Variants in LAMA2 observed in about 807,000 individuals in gnomAD.
The protein encoded by LAMA2 is laminin subunit alpha 2.
In LAMA2, 269 loss-of-function variants were observed where a neutral mutation model predicts 364.8. The ratio of observed to expected loss-of-function variants is 0.74; its 90% CI spans 0.67 to 0.82. LAMA2 has a LOEUF of 0.82. LAMA2 is among the 40% of genes least tolerant of loss of function. The probability of loss-of-function intolerance (pLI) is 0.00; values close to 1 mark genes in which losing one functional copy is unlikely to be tolerated. For synonymous variants in LAMA2, 1,379 were observed against 1,370.6 expected (o/e 1.01, Z -0.14); for missense variants, 3,807 against 3,873.2 (o/e 0.98, Z 0.45).
intron 35 of LAMA2, among the ~76,000 whole-genome samples, chr6:129,388,616 C>G (rs1350316941): frequency 6.6e-6 from 1 of 151,974 alleles, no homozygotes. Context: ...ACTGCCTAGG[C>G]CCAGAATCTA....
chr6:128,928,605 A>G (rs1428176913), intron 1 of LAMA2, among the ~76,000 whole-genome samples: 4 of 152,192 alleles, frequency 2.6e-5, no homozygotes. Context: ...TAGAATTCCT[A>G]TTGGGGCTGT....
At chr6:129,312,821 A>T in intron 22 of LAMA2, 40 bp from the exon 23 acceptor site, 1 of 1,338,558 alleles carries the variant, frequency 7.5e-7, no homozygotes, top group South Asian at 1.2e-5. Flanking sequence ...TATTTCCCAT[A>T]AAGTTGTGTT....
intron 10 of LAMA2, among the ~76,000 whole-genome samples, chr6:129,188,001 A>G (rs1235542423): frequency 5.3e-5 from 8 of 151,896 alleles, no homozygotes; most frequent in Admixed American, 5.3e-4. Context: ...TTTTTAAACC[A>G]TGCTTCAAGG....
intron 1 of LAMA2, among the ~76,000 whole-genome samples, chr6:129,014,348 T>C (rs1784951449): frequency 6.6e-6 from 1 of 152,214 alleles, no homozygotes; most frequent in Non-Finnish European, 1.5e-5. Flanking sequence ...CCCCTCTGCG[T>C]TTATACCATT....
intron 1 of LAMA2, among the ~76,000 whole-genome samples, chr6:128,884,354 T>C (rs1011608831): frequency 6.6e-6 from 1 of 152,118 alleles, no homozygotes; most frequent in African/African-American, 2.4e-5. Flanking sequence ...GTTTTAAATA[T>C]GAAAATGTTT....
intron 5 of LAMA2, among the ~76,000 whole-genome samples, chr6:129,146,394 T>C (rs149517021): frequency 5.9e-5 from 9 of 152,138 alleles, no homozygotes; most frequent in Admixed American, 1.3e-4. Flanking sequence ...GTATGGACTA[T>C]ATTACATAGT....
chr6:129,056,265 G>A (rs1239416139), intron 2 of LAMA2, among the ~76,000 whole-genome samples: 1 of 152,146 alleles, frequency 6.6e-6, no homozygotes, highest in Non-Finnish European at 1.5e-5. Context: ...GCCAATTTCA[G>A]CACCCTCTTA....
intron 2 of LAMA2, among the ~76,000 whole-genome samples, chr6:129,057,782 G>A (rs891521629): frequency 6.6e-6 from 1 of 152,172 alleles, no homozygotes; most frequent in African/African-American, 2.4e-5. Flanking sequence ...TACATGGCTA[G>A]ATTGCAATAT....
At chr6:129,287,033 AGG>A (rs1789299472) in intron 18 of LAMA2, among the ~76,000 whole-genome samples, 1 of 1,570 alleles carries the variant, frequency 6.4e-4, no homozygotes, top group East Asian at 0.17. Context: ...GGAGGGAGGG[AGG>A]GAGGAAGGAA....
At chr6:128,976,319 TGATA>T (rs1417783202) in intron 1 of LAMA2, among the ~76,000 whole-genome samples, 2 of 152,184 alleles carry the variant, frequency 1.3e-5, no homozygotes, top group Admixed American at 1.3e-4. Context: ...TTCCAGTTCC[TGATA>T]GATAGCCATG....
At chr6:129,119,536 A>T (rs1471877488) in intron 4 of LAMA2, among the ~76,000 whole-genome samples, 1 of 150,902 alleles carries the variant, frequency 6.6e-6, no homozygotes, top group Non-Finnish European at 1.5e-5. Context: ...ATTTTTTATT[A>T]ATTAATTAAT....
chr6:129,444,704 T>C (rs961502950), intron 44 of LAMA2, among the ~76,000 whole-genome samples: 9 of 152,226 alleles, frequency 5.9e-5, no homozygotes, highest in African/African-American at 2.2e-4. Flanking sequence ...TGAGGGTTAG[T>C]TCTCAGTGGT....
In LAMA2 at chr6:129,177,830, A is replaced by C; in HGVS notation, c.1431A>C (p.Lys477Asn). Reference sequence around the variant, plus strand: ...GTAACTGCAGTGGGTTAGGGAGCAAAAATGAGGATCCTTGTTTTGGCCCCT... The same window carrying C: ...GTAACTGCAGTGGGTTAGGGAGCAACAATGAGGATCCTTGTTTTGGCCCCT... ...KACNCSGLGS[K>N]NEDPCFGPCI... The change falls in exon 10 of 65, where the codon AAA (lysine) becomes AAC (asparagine). Residue 477 changes from lysine to asparagine, a missense_variant. Around this residue, in one of 3 missense-constraint regions of LAMA2, gnomAD observed 3,333 missense variants for 3,345.7 expected, o/e 1.00. Coordinates refer to ENST00000421865, the MANE Select transcript of LAMA2 (RefSeq NM_000426.4). 1.2e-6 allele frequency: 2 copies of C among 1,614,002 alleles called. No homozygotes were observed. The highest frequency in any genetic ancestry group is 1.7e-6 in the Non-Finnish European group (2 of 1,179,960).
In LAMA2 at chr6:129,485,531, T is replaced by C. The variant is rs183162930; in HGVS notation, c.7750-943T>C. On this transcript the variant is annotated intron_variant, in intron 55 of 64. Coordinates refer to ENST00000421865, the MANE Select transcript of LAMA2 (RefSeq NM_000426.4). ...GTGCTGGTTAAATTGACAAGTTTTA[T>C]ATTTCAAAGCTAACGGTTTTGATAC... Among the ~76,000 whole-genome samples the C allele has an allele frequency of 2.6e-5, 4 of 152,350 alleles. No homozygotes were observed. In the East Asian group the frequency reaches 7.7e-4, roughly 29 times the overall value.
At chr6:129,433,901 A>T (rs1288040673) in intron 41 of LAMA2, among the ~76,000 whole-genome samples, 1 of 152,160 alleles carries the variant, frequency 6.6e-6, no homozygotes, top group African/African-American at 2.4e-5. Flanking sequence ...ACTTTCTCAT[A>T]CATCTCCCAG....
intron 20 of LAMA2, chr6:129,293,137 T>C (rs1039738305): frequency 1.0e-5 from 10 of 954,938 alleles, no homozygotes; most frequent in African/African-American, 1.8e-5. Flanking sequence ...TGAAGTTCCC[T>C]GGTGGCATTT....
At chr6:128,957,979 G>A (rs1345739218) in intron 1 of LAMA2, among the ~76,000 whole-genome samples, 7 of 151,214 alleles carry the variant, frequency 4.6e-5, no homozygotes, top group Non-Finnish European at 7.4e-5. Context: ...GCCCATACAG[G>A]GAATAATTCA....
chr6:129,483,575 A>T (rs1389387822), intron 55 of LAMA2, among the ~76,000 whole-genome samples: 1 of 152,224 alleles, frequency 6.6e-6, no homozygotes, highest in African/African-American at 2.4e-5. Flanking sequence ...CCCCAAAATG[A>T]TATGTAGATT....
At position 129,516,484 on chromosome 6, in the gene LAMA2, C is replaced by CTAAT; in HGVS notation, c.*139_*142dup. 1.2e-6 allele frequency: 1 copy of CTAAT among 815,500 alleles called. No homozygotes were observed. Among genetic ancestry groups the CTAAT allele is most frequent in the Non-Finnish European group, 2.0e-6 (1 of 489,884 alleles). 50.5% of individuals were successfully genotyped at this position (815,500 alleles called of 1,614,324 possible). ...GAATTCTTTCTGTATTCAGATGGTG[C>CTAAT]TAATTCAGACTCCAGACTGAATTTT... is the stretch of plus-strand genomic sequence containing the variant. On this transcript the variant is annotated 3_prime_UTR_variant, in exon 65 of 65. Transcript: ENST00000421865.
Sources: allele counts gnomAD v4.1 joint callset (sites outside exome capture counted in the v4.1 genomes callset), GRCh38; gene constraint gnomAD v4.1.1; regional missense constraint gnomAD v4.1.1; transcripts MANE v1.5; gene names NCBI Gene and HGNC (gene_info 2026-07-23, HGNC 2026-07-21).